Variants in HS6ST3 observed in about 807,000 individuals in gnomAD.
The protein encoded by HS6ST3 is heparan sulfate 6-O-sulfotransferase 3.
A neutral mutation model predicts 36.7 loss-of-function variants in HS6ST3; 12 were observed. That is an observed-to-expected ratio of 0.33 (90% confidence interval 0.21 to 0.53). HS6ST3 has a LOEUF of 0.53. HS6ST3 is among the 20% of genes least tolerant of loss of function. The pLI is 0.95. For missense variants in HS6ST3, 584 were observed against 640.9 expected (o/e 0.91, Z 0.96); for synonymous variants, 240 against 257.5 (o/e 0.93, Z 0.65).
chr13:96,830,096 G>A (rs1878743135), intron 1 of HS6ST3, among the ~76,000 whole-genome samples: 2 of 151,712 alleles, frequency 1.3e-5, no homozygotes, highest in African/African-American at 2.4e-5. Context: ...AAACATATGA[G>A]ATATTCAACA....
chr13:96,431,434 G>A (rs1405715477), intron 1 of HS6ST3, among the ~76,000 whole-genome samples: 36 of 152,044 alleles, frequency 2.4e-4, no homozygotes, highest in Non-Finnish European at 2.9e-5. Flanking sequence ...CCACCACAGG[G>A]GTGTGGTTTT....
At chr13:96,174,341 C>A (rs1177392878) in intron 1 of HS6ST3, among the ~76,000 whole-genome samples, 2 of 152,058 alleles carry the variant, frequency 1.3e-5, no homozygotes, top group Non-Finnish European at 2.9e-5. Flanking sequence ...GAATCCCTAT[C>A]ATGAAAGAGG....
In HS6ST3 at chr13:96,090,311, C is replaced by G. The variant is rs2053753846; in HGVS notation, c.-552C>G. 6.7e-6 allele frequency among the ~76,000 whole-genome samples: 1 copy of G among 148,942 alleles called. No homozygotes were observed. On this transcript the variant is annotated 5_prime_UTR_variant, in exon 1 of 2. Coordinates refer to ENST00000376705, the MANE Select transcript of HS6ST3 (RefSeq NM_153456.4). Reference sequence around the variant, plus strand: ...GTCAGCCCTCGCGGCTCCACAGCCCCGCGACCTGCCGGCAAAGGCGCCGGG... The same window carrying G: ...GTCAGCCCTCGCGGCTCCACAGCCCGGCGACCTGCCGGCAAAGGCGCCGGG...
intron 1 of HS6ST3, among the ~76,000 whole-genome samples, chr13:96,603,616 T>C (rs1489715712): frequency 6.6e-6 from 1 of 152,202 alleles, no homozygotes; most frequent in African/African-American, 2.4e-5. Flanking sequence ...TGTGTATGTT[T>C]AGTTGCAATA....
chr13:96,587,734 T>A (rs151159028), intron 1 of HS6ST3, among the ~76,000 whole-genome samples: 30 of 152,354 alleles, frequency 2.0e-4, no homozygotes, highest in African/African-American at 5.5e-4. Flanking sequence ...GGATCCCTAA[T>A]GATGCAAAGG....
intron 1 of HS6ST3, among the ~76,000 whole-genome samples, chr13:96,363,575 C>A (rs1196969708): frequency 6.6e-6 from 1 of 152,250 alleles, no homozygotes; most frequent in South Asian, 2.1e-4. Context: ...CTACATTCTT[C>A]TTATTATTCT....
Position 96,090,128 on chromosome 13 carries a change from C to G in HS6ST3, c.-735C>G, listed in dbSNP as rs935101547. Among the ~76,000 whole-genome samples the G allele has an allele frequency of 1.3e-5, 2 of 152,052 alleles. No individual in the cohort carries two copies. Among genetic ancestry groups the G allele is most frequent in the Non-Finnish European group, 2.9e-5 (2 of 67,968 alleles). On this transcript the variant is annotated 5_prime_UTR_variant, in exon 1 of 2. Coordinates refer to ENST00000376705, the MANE Select transcript of HS6ST3 (RefSeq NM_153456.4). ...TGTCACACCGGCTGGCGGGTTGTGG[C>G]GGTGCCAGCCTGTGTGTGCGAGTGT...
intron 1 of HS6ST3, among the ~76,000 whole-genome samples, chr13:96,698,220 G>C (rs940514409): frequency 6.6e-6 from 1 of 151,804 alleles, no homozygotes; most frequent in African/African-American, 2.4e-5. Context: ...AACAGGCCCC[G>C]GTGTGTGATG....
chr13:96,198,200 C>T (rs569314039), intron 1 of HS6ST3, among the ~76,000 whole-genome samples: 7 of 152,336 alleles, frequency 4.6e-5, no homozygotes, highest in Admixed American at 2.0e-4. Context: ...GGACACAGGG[C>T]ACCAAGTGCC....
chr13:96,324,371 G>C (rs573225554), intron 1 of HS6ST3, among the ~76,000 whole-genome samples: 1 of 152,146 alleles, frequency 6.6e-6, no homozygotes, highest in African/African-American at 2.4e-5. Context: ...AGTGAAGAAG[G>C]TGTTTGAAAA....
chr13:96,610,693 A>T (rs1162050290), intron 1 of HS6ST3, among the ~76,000 whole-genome samples: 1 of 152,148 alleles, frequency 6.6e-6, no homozygotes, highest in African/African-American at 2.4e-5. Flanking sequence ...GTTAATTAGA[A>T]TACCTTCTCT....
chr13:96,750,793 C>T (rs1876682890), intron 1 of HS6ST3, among the ~76,000 whole-genome samples: 4 of 152,122 alleles, frequency 2.6e-5, no homozygotes. Context: ...CTTGAAAATT[C>T]TGTTGACCTA....
intron 1 of HS6ST3, among the ~76,000 whole-genome samples, chr13:96,761,293 A>G (rs1344789638): frequency 1.3e-5 from 2 of 152,026 alleles, no homozygotes; most frequent in Non-Finnish European, 2.9e-5. Flanking sequence ...ATAATTAACT[A>G]TCGTGATGAT....
At chr13:96,317,362 AT>A (rs1566322153) in intron 1 of HS6ST3, among the ~76,000 whole-genome samples, 3 of 26,604 alleles carry the variant, frequency 1.1e-4, no homozygotes, top group Admixed American at 9.3e-4. Flanking sequence ...ATATATATAT[AT>A]ATATAAAATT....
intron 1 of HS6ST3, among the ~76,000 whole-genome samples, chr13:96,117,260 A>C (rs1040629660): frequency 6.6e-6 from 1 of 152,210 alleles, no homozygotes; most frequent in Non-Finnish European, 1.5e-5. Flanking sequence ...TAAGAGAAGA[A>C]CTTTCAGGAA....
chr13:96,512,892 T>C (rs1267388854), intron 1 of HS6ST3, among the ~76,000 whole-genome samples: 1 of 152,046 alleles, frequency 6.6e-6, no homozygotes, highest in Non-Finnish European at 1.5e-5. Context: ...TTTGTTGTTG[T>C]TGTTGTTTCT....
At chr13:96,355,358 TACACACACACAC>T (rs66509801) in intron 1 of HS6ST3, among the ~76,000 whole-genome samples, 3,920 of 140,538 alleles carry the variant, frequency 0.028, 82 homozygotes, top group African/African-American at 0.052. Flanking sequence ...AGTCTATAGT[TACACACACACAC>T]ACACACACAC....
intron 1 of HS6ST3, among the ~76,000 whole-genome samples, chr13:96,414,475 G>A (rs9516687): frequency 0.33 from 50,758 of 151,972 alleles, 8,639 homozygotes; most frequent in South Asian, 0.44. Context: ...TTCTTGATTC[G>A]TTTTTCTTTC....
At chr13:96,397,584 A>AT (rs1433964981) in intron 1 of HS6ST3, among the ~76,000 whole-genome samples, 5 of 152,004 alleles carry the variant, frequency 3.3e-5, no homozygotes, top group African/African-American at 7.2e-5. Flanking sequence ...TGGAATATTT[A>AT]TTTTTTTTCT....
Sources: gnomAD v4.1 joint callset for allele counts (sites outside exome capture counted in the v4.1 genomes callset) on GRCh38, gnomAD v4.1.1 for gene constraint, MANE v1.5 for transcripts, NCBI Gene and HGNC (gene_info 2026-07-23, HGNC 2026-07-21) for gene names.